The following MLANA variants were observed in gnomAD, a reference collection of about 807,000 sequenced individuals.
MLANA encodes melan-A, also known as melanoma antigen recognized by T-cells 1.
A neutral mutation model predicts 15.7 loss-of-function variants in MLANA; 21 were observed. The observed-to-expected ratio is 1.33, with a 90% CI of 0.95 to 1.92. The LOEUF is 1.92. MLANA is among the 40% of genes most tolerant of loss of function. MLANA has a pLI of 0.00. For missense variants in MLANA, 164 were observed against 143.8 expected, an observed-to-expected ratio of 1.14 and a Z score of -0.72; for synonymous variants, 56 against 51.5, an observed-to-expected ratio of 1.09 and a Z score of -0.37.
intron 3 of MLANA, among the ~76,000 whole-genome samples, chr9:5,898,530 A>C (rs1832195043): frequency 6.6e-6 from 1 of 152,136 alleles, no homozygotes; most frequent in Non-Finnish European, 1.5e-5. Context: ...ACACATTCAA[A>C]CTATAGCACC....
rs1229781216 is a variant in MLANA, at chr9:5,894,536, G to A, written c.77+1985G>A. 6.6e-6 allele frequency among the ~76,000 whole-genome samples: 1 copy of A among 152,178 alleles called. No individual in the cohort carries two copies. The highest frequency in any genetic ancestry group is 1.5e-5 in the Non-Finnish European group (1 of 68,038). ...TCTAAGGAGAGATTTTTGTTTGGCTGGTTCTGGTGTCTCAAGAGCTTAGAA... is the reference window on the plus strand; with the variant it reads ...TCTAAGGAGAGATTTTTGTTTGGCTAGTTCTGGTGTCTCAAGAGCTTAGAA... On this transcript the variant is annotated intron_variant, in intron 2 of 4. Coordinates refer to ENST00000381477, the MANE Select transcript of MLANA (RefSeq NM_005511.2). The surrounding 1 kb of genome is among the most constrained non-coding windows in gnomAD (Gnocchi z 4.0).
At chr9:5,906,481 A>G (rs1363970288) in intron 3 of MLANA, among the ~76,000 whole-genome samples, 1 of 152,242 alleles carries the variant, frequency 6.6e-6, no homozygotes, top group Non-Finnish European at 1.5e-5. Context: ...GTTTCCTGCA[A>G]GGCAGGTCTA....
rs1028415091 is a variant in MLANA at position 5,909,092 on chromosome 9, T to C, written c.*384T>C. 3 of 261,416 alleles carry C rather than the reference T, an allele frequency of 1.1e-5. No homozygotes were observed. Among genetic ancestry groups the C allele is most frequent in the South Asian group, 9.2e-5 (2 of 21,750 alleles). 16.2% of individuals were successfully genotyped at this position (261,416 alleles called of 1,614,324 possible). On this transcript the variant is annotated 3_prime_UTR_variant, in exon 5 of 5. Coordinates refer to ENST00000381477, the MANE Select transcript of MLANA (RefSeq NM_005511.2). ...TCAGGTTTTCGAACCTTGACCGACATGAACTGTACACAGAATTGTTCCAGT... is the reference window on the plus strand; with the variant it reads ...TCAGGTTTTCGAACCTTGACCGACACGAACTGTACACAGAATTGTTCCAGT...
At chr9:5,906,854 AC>A in intron 3 of MLANA, 30 bp from the exon 4 acceptor site, 1 of 1,379,184 alleles carries the variant, frequency 7.3e-7, no homozygotes, top group African/African-American at 1.5e-5. Flanking sequence ...ACTTCTTCTC[AC>A]CCACTCACCT....
Position 5,894,897 on chromosome 9 carries a change from A to T in MLANA, c.77+2346A>T, listed in dbSNP as rs924475202. Among the ~76,000 whole-genome samples, 2 of 152,204 alleles carry T rather than the reference A, an allele frequency of 1.3e-5. No homozygotes were observed. The highest frequency in any genetic ancestry group is 2.9e-5 in the Non-Finnish European group (2 of 68,024). On this transcript the variant is annotated intron_variant, in intron 2 of 4. Transcript: ENST00000381477. This position sits in a 1 kb window ranked among gnomAD's most constrained non-coding sequence, Gnocchi z 4.0. ...GAGTTGAGGGACAATGGCTTAATAA[A>T]GGGCAAAGGGGGTTATGACCACTAT...
intron 2 of MLANA, 86 bp downstream of exon 2, chr9:5,892,637 G>A (rs898689020): frequency 2.0e-5 from 21 of 1,051,626 alleles, no homozygotes; most frequent in Admixed American, 6.7e-5. Context: ...ATGCCTGCTC[G>A]TAAATCTCCC....
chr9:5,900,219 TCAGA>T, intron 3 of MLANA, among the ~76,000 whole-genome samples: 1 of 152,344 alleles, frequency 6.6e-6, no homozygotes, highest in East Asian at 1.9e-4. Context: ...TGTCATGTGC[TCAGA>T]CACTGTGAAC....
At chr9:5,904,525 T>A (rs1296836592) in intron 3 of MLANA, among the ~76,000 whole-genome samples, 2 of 152,220 alleles carry the variant, frequency 1.3e-5, no homozygotes, top group African/African-American at 4.8e-5. Context: ...CAGGCTGGAG[T>A]GCAGTGGCAC....
intron 4 of MLANA, 102 bp downstream of exon 4, chr9:5,907,100 C>CA: frequency 2.8e-6 from 2 of 718,094 alleles, no homozygotes; most frequent in Non-Finnish European, 4.3e-6. Flanking sequence ...TGTGAATGTA[C>CA]TCATTGCCAC....
At position 5,908,767 on chromosome 9, in the gene MLANA, T is replaced by G. The variant is rs1832980555; in HGVS notation, c.*59T>G. On this transcript the variant is annotated 3_prime_UTR_variant, in exon 5 of 5. Transcript: ENST00000381477. ...ATTTCTCTCACACTTTTGCTTGAAT[T>G]TAATACAGACATCTAATGTTCTCCT... is the stretch of plus-strand genomic sequence containing the variant. 2.0e-6 allele frequency: 3 copies of G among 1,477,572 alleles called. No homozygotes were observed. The highest frequency in any genetic ancestry group is 2.8e-6 in the Non-Finnish European group (3 of 1,056,412). The allele number at this position is 1,477,572 out of a possible 1,614,324, so 91.5% of individuals were successfully genotyped here.
chr9:5,895,488 A>G (rs892136490), intron 2 of MLANA, among the ~76,000 whole-genome samples: 2 of 152,078 alleles, frequency 1.3e-5, no homozygotes, highest in Non-Finnish European at 2.9e-5. Flanking sequence ...TATCCTTCTC[A>G]CAATTGTGCC....
Position 5,908,924 on chromosome 9 carries a change from A to T in MLANA, c.*216A>T. On this transcript the variant is annotated 3_prime_UTR_variant, in exon 5 of 5. Transcript: ENST00000381477. ...ATTAAATTGGGAAAACTCCATCAAT[A>T]AATGTTGCAATGCATGATACTATCT... The T allele has an allele frequency of 1.8e-6, 1 of 545,958 alleles. No homozygotes were observed. 33.8% of individuals were successfully genotyped at this position (545,958 alleles called of 1,614,324 possible). A position where few individuals can be genotyped will look rare whatever the true frequency, so the allele number is the denominator to read the frequency against.
intron 1 of MLANA, among the ~76,000 whole-genome samples, chr9:5,892,190 G>A (rs1004353715): frequency 6.6e-6 from 1 of 152,164 alleles, no homozygotes; most frequent in African/African-American, 2.4e-5. Flanking sequence ...AACTCAACTT[G>A]CAAGTCTTTT....
intron 3 of MLANA, among the ~76,000 whole-genome samples, chr9:5,902,452 TTTTC>T (rs1352708105): frequency 4.6e-5 from 7 of 151,976 alleles, no homozygotes; most frequent in African/African-American, 7.3e-5. Flanking sequence ...ACTGACTTTT[TTTTC>T]TTTCTTTCTT....
intron 1 of MLANA, chr9:5,891,324 T>C (rs1307785667): frequency 1.3e-5 from 2 of 152,234 alleles, no homozygotes; most frequent in Non-Finnish European, 2.9e-5. Flanking sequence ...ATTAAAACAA[T>C]TTAATGAAGA....
intron 4 of MLANA, among the ~76,000 whole-genome samples, chr9:5,908,389 T>C (rs1353230300): frequency 6.6e-6 from 1 of 152,172 alleles, no homozygotes; most frequent in African/African-American, 2.4e-5. Flanking sequence ...TCATGGAAAA[T>C]CTAGGTATAG....
chr9:5,896,785 C>A (rs755404916), intron 2 of MLANA, among the ~76,000 whole-genome samples: 3 of 152,138 alleles, frequency 2.0e-5, no homozygotes, highest in African/African-American at 7.2e-5. Context: ...GGTCACTGAA[C>A]ACAGGGCCCA....
At chr9:5,892,589 G>A in intron 2 of MLANA, 38 bp downstream of exon 2, 1 of 1,583,800 alleles carries the variant, frequency 6.3e-7, no homozygotes, top group African/African-American at 1.4e-5. Context: ...CTTCCAGTTT[G>A]CCGTTTGCTG....
At chr9:5,899,272 G>C (rs947946102) in intron 3 of MLANA, 2 of 152,188 alleles carry the variant, frequency 1.3e-5, no homozygotes, top group African/African-American at 4.8e-5. Flanking sequence ...AAGAGAGGAG[G>C]GTTGGTGTGG....
Sources: gnomAD v4.1 joint callset for allele counts (sites outside exome capture counted in the v4.1 genomes callset) on GRCh38, gnomAD v4.1.1 for gene constraint, Gnocchi (gnomAD v3.1) non-coding constraint, MANE v1.5 for transcripts, NCBI Gene and HGNC (gene_info 2026-07-23, HGNC 2026-07-21) for gene names.